The following YEATS2 variants were observed in gnomAD, a reference collection of about 807,000 sequenced individuals.
The protein encoded by YEATS2 is YEATS domain-containing protein 2.
YEATS2 carries 77 observed loss-of-function variants against 163.2 expected under a neutral mutation model. The observed-to-expected ratio is 0.47, with a 90% CI of 0.39 to 0.57. The LOEUF is 0.57. YEATS2 is among the 20% of genes least tolerant of loss of function. YEATS2 has a pLI of 0.00. For missense variants in YEATS2, 1,549 were observed against 1,729.8 expected, an observed-to-expected ratio of 0.90 and a Z score of 1.85; for synonymous variants, 631 against 645.1, an observed-to-expected ratio of 0.98 and a Z score of 0.33.
chr3:183,759,702 G>A (rs1270109509), intron 13 of YEATS2, among the ~76,000 whole-genome samples: 1 of 152,250 alleles, frequency 6.6e-6, no homozygotes, highest in East Asian at 1.9e-4. Context: ...CGACTTTACC[G>A]TGGTGCAAAA....
intron 8 of YEATS2, among the ~76,000 whole-genome samples, chr3:183,739,020 CA>C (rs1393566489): frequency 4.9e-5 from 7 of 141,922 alleles, no homozygotes; most frequent in Admixed American, 1.4e-4. Flanking sequence ...GTCCCACCAA[CA>C]GTGTAAAAGT....
intron 27 of YEATS2, 92 bp from the exon 28 acceptor site, chr3:183,806,774 T>TC (rs1274765281): frequency 1.5e-6 from 2 of 1,317,360 alleles, no homozygotes; most frequent in Admixed American, 4.1e-5. Flanking sequence ...CTGATGCTTA[T>TC]CCCCCTTCCT....
At chr3:183,708,349 A>G (rs1362696175) in intron 1 of YEATS2, among the ~76,000 whole-genome samples, 3 of 151,844 alleles carry the variant, frequency 2.0e-5, no homozygotes, top group Non-Finnish European at 2.9e-5. Flanking sequence ...TTTAGTAGAG[A>G]TGGGGTTTCA....
At chr3:183,770,814 CTAATA>C (rs1379183023) in intron 15 of YEATS2, among the ~76,000 whole-genome samples, 4 of 152,214 alleles carry the variant, frequency 2.6e-5, no homozygotes, top group East Asian at 1.9e-4. Flanking sequence ...TCTGTTTACA[CTAATA>C]TATCACTAAT....
intron 18 of YEATS2, among the ~76,000 whole-genome samples, chr3:183,776,962 A>C (rs1001620672): frequency 5.3e-5 from 8 of 152,266 alleles, no homozygotes; most frequent in Admixed American, 4.6e-4. Context: ...CAAAAAAAAA[A>C]AAAAAGGAAA....
chr3:183,807,971 GGA>G (rs1326547759), intron 28 of YEATS2, 57 bp from the exon 29 acceptor site: 16 of 1,419,268 alleles, frequency 1.1e-5, no homozygotes, highest in African/African-American at 7.1e-5. Flanking sequence ...ATGCTTGTTT[GGA>G]GAGAGGCTGT....
intron 25 of YEATS2, 153 bp from the exon 26 acceptor site, chr3:183,803,102 GC>G: frequency 1.4e-6 from 1 of 710,210 alleles, no homozygotes; most frequent in Non-Finnish European, 2.4e-6. Flanking sequence ...CTGAGGAGAC[GC>G]CCTCCTGTGT....
chr3:183,738,925 G>T (rs1287532745), intron 8 of YEATS2, among the ~76,000 whole-genome samples: 3 of 145,266 alleles, frequency 2.1e-5, no homozygotes, highest in Non-Finnish European at 3.0e-5. Flanking sequence ...CCCAGTAATG[G>T]GATGGCTGGG....
chr3:183,809,094 T>C lies in YEATS2; in HGVS notation c.4087-3T>C. 5.0e-6 allele frequency: 8 copies of C among 1,614,146 alleles called. No homozygotes were observed. Among genetic ancestry groups the C allele is most frequent in the African/African-American group, 1.3e-5 (1 of 75,066 alleles). On this transcript the variant is annotated splice_polypyrimidine_tract_variant and splice_region_variant and intron_variant, in intron 29 of 30. Coordinates refer to ENST00000305135, the MANE Select transcript of YEATS2 (RefSeq NM_018023.5). ...TGAAGAATAACAGCATCTTCCATTGTAGGCTACAGAACAGCTGGTGAATGA... is the reference window on the plus strand; with the variant it reads ...TGAAGAATAACAGCATCTTCCATTGCAGGCTACAGAACAGCTGGTGAATGA...
At chr3:183,780,029 T>A (rs1455189488) in intron 19 of YEATS2, among the ~76,000 whole-genome samples, 1 of 150,904 alleles carries the variant, frequency 6.6e-6, no homozygotes, top group Non-Finnish European at 1.5e-5. Context: ...TAATTTTTTA[T>A]CTTTCTGACT....
intron 3 of YEATS2, among the ~76,000 whole-genome samples, 200 bp from the exon 4 acceptor site, chr3:183,718,300 A>T (rs6781567): frequency 0.014 from 2,060 of 152,292 alleles, 45 homozygotes; most frequent in African/African-American, 0.047. Flanking sequence ...GTACATATTC[A>T]TTGCAACACT....
intron 20 of YEATS2, among the ~76,000 whole-genome samples, chr3:183,786,592 T>C (rs1392177336): frequency 6.6e-6 from 1 of 152,162 alleles, no homozygotes; most frequent in East Asian, 1.9e-4. Context: ...CATTCCATCC[T>C]TCTGTTCTAG....
intron 20 of YEATS2, among the ~76,000 whole-genome samples, chr3:183,789,774 C>T (rs1265662131): frequency 1.3e-5 from 2 of 151,584 alleles, no homozygotes; most frequent in African/African-American, 4.9e-5. Flanking sequence ...CTCCTGACCT[C>T]GTGATCCACC....
At chr3:183,779,887 G>A (rs1723387896) in intron 19 of YEATS2, among the ~76,000 whole-genome samples, 3 of 151,530 alleles carry the variant, frequency 2.0e-5, no homozygotes. Flanking sequence ...TACTAGAGAC[G>A]GGGTTTCACC....
At chr3:183,805,106 T>G (rs1726052680) in intron 27 of YEATS2, among the ~76,000 whole-genome samples, 1 of 148,024 alleles carries the variant, frequency 6.8e-6, no homozygotes, top group Non-Finnish European at 1.5e-5. Flanking sequence ...CCTCAAAGAA[T>G]AAGAAGGGTT....
chr3:183,702,862 A>G (rs1714253785), intron 1 of YEATS2, among the ~76,000 whole-genome samples: 3 of 151,658 alleles, frequency 2.0e-5, no homozygotes, highest in African/African-American at 7.3e-5. Flanking sequence ...GGTAAAAGTT[A>G]CCTAAAGTCA....
intron 7 of YEATS2, among the ~76,000 whole-genome samples, chr3:183,730,048 G>GTTTTTTTTTTTTT (rs1476187052): frequency 4.8e-5 from 1 of 20,820 alleles, no homozygotes; most frequent in Non-Finnish European, 1.1e-4. Context: ...GTGGTTTTTT[G>GTTTTTTTTTTTTT]TTTGTTTTTT....
intron 7 of YEATS2, among the ~76,000 whole-genome samples, chr3:183,730,052 G>GTTTGTTTTTTTTTTTTTTTTTTTT (rs1560244258): frequency 2.4e-5 from 1 of 41,716 alleles, no homozygotes; most frequent in African/African-American, 8.2e-5. Context: ...TTTTTTGTTT[G>GTTTGTTTTTTTTTTTTTTTTTTTT]TTTTTTTTTT....
intron 7 of YEATS2, among the ~76,000 whole-genome samples, chr3:183,733,065 A>G (rs1717974329): frequency 6.6e-6 from 1 of 150,722 alleles, no homozygotes; most frequent in Non-Finnish European, 1.5e-5. Context: ...TCCTGGCCTC[A>G]AGCAGTCCTC....
Sources: gnomAD v4.1 joint callset for allele counts (sites outside exome capture counted in the v4.1 genomes callset) on GRCh38, gnomAD v4.1.1 for gene constraint, MANE v1.5 for transcripts, NCBI Gene and HGNC (gene_info 2026-07-23, HGNC 2026-07-21) for gene names.